The following ST6GAL1 variants were observed in gnomAD, a reference collection of about 807,000 sequenced individuals.
The protein encoded by ST6GAL1 is ST6 beta-galactoside alpha-2,6-sialyltransferase 1, also known as beta-galactoside alpha-2,6-sialyltransferase 1.
A neutral mutation model predicts 38.0 loss-of-function variants in ST6GAL1; 20 were observed. The observed-to-expected ratio is 0.53, with a 90% CI of 0.37 to 0.77. ST6GAL1 has a LOEUF of 0.77. Among genes scored for constraint, ST6GAL1 ranks in the 30% least tolerant of loss-of-function variants. ST6GAL1 has a pLI of 0.00. For missense variants in ST6GAL1, 432 were observed against 496.4 expected (o/e 0.87, Z 1.23); for synonymous variants, 196 against 188.2 (o/e 1.04, Z -0.34).
chr3:187,057,330 C>T (rs575982362), intron 5 of ST6GAL1, among the ~76,000 whole-genome samples: 1 of 152,348 alleles, frequency 6.6e-6, no homozygotes, highest in Non-Finnish European at 1.5e-5. Context: ...CATTCTCCGT[C>T]CAGCTTTGTT....
chr3:186,941,253 G>T (rs1039608769), intron 1 of ST6GAL1, among the ~76,000 whole-genome samples: 5 of 152,194 alleles, frequency 3.3e-5, no homozygotes, highest in Non-Finnish European at 5.9e-5. Flanking sequence ...TGGTAGGGAG[G>T]GAGGAGAGAG....
intron 5 of ST6GAL1, among the ~76,000 whole-genome samples, chr3:187,066,754 G>T (rs1290267701): frequency 6.6e-6 from 1 of 152,062 alleles, no homozygotes; most frequent in African/African-American, 2.4e-5. Context: ...TTTCCTGGCA[G>T]ATGTTCCCCA....
chr3:186,993,380 A>G (rs1371744730), intron 2 of ST6GAL1, among the ~76,000 whole-genome samples: 3 of 152,170 alleles, frequency 2.0e-5, no homozygotes, highest in Non-Finnish European at 4.4e-5. Flanking sequence ...ATTCTAAACA[A>G]AAAAGTCAAG....
At chr3:187,048,717 G>C (rs1222134562) in intron 4 of ST6GAL1, among the ~76,000 whole-genome samples, 2 of 152,058 alleles carry the variant, frequency 1.3e-5, no homozygotes, top group East Asian at 3.9e-4. Context: ...CATAGAGTAG[G>C]TGCTCAATCA....
chr3:187,051,461 C>A, intron 5 of ST6GAL1, 115 bp downstream of exon 5: 1 of 844,156 alleles, frequency 1.2e-6, no homozygotes. Flanking sequence ...CTTGATCTTC[C>A]TGAGTTCCTG....
chr3:187,078,350 T>A lies in ST6GAL1; in HGVS notation c.*2547T>A, dbSNP rs1453907896. 1 of 152,230 alleles carries A rather than the reference T, an allele frequency of 6.6e-6. No individual in the cohort carries two copies. Among genetic ancestry groups the A allele is most frequent in the Non-Finnish European group, 1.5e-5 (1 of 68,050 alleles). 9.4% of individuals were successfully genotyped at this position (152,230 alleles called of 1,614,324 possible). A position where few individuals can be genotyped will look rare whatever the true frequency, so the allele number is the denominator to read the frequency against. ...TAATTTAAAAATTATGAGTTAATGC[T>A]GCCTGTGTCTATGGGGTTCTGTCTT... On this transcript the variant is annotated 3_prime_UTR_variant, in exon 8 of 8. Coordinates refer to ENST00000169298, the MANE Select transcript of ST6GAL1 (RefSeq NM_173216.2).
chr3:187,068,935 C>T (rs530896318), intron 5 of ST6GAL1, among the ~76,000 whole-genome samples: 3 of 152,324 alleles, frequency 2.0e-5, no homozygotes, highest in East Asian at 1.9e-4. Context: ...AGCTCAGTCA[C>T]GTCTATCTTA....
intron 2 of ST6GAL1, among the ~76,000 whole-genome samples, chr3:186,997,276 CCT>C (rs1716448637): frequency 6.6e-6 from 1 of 152,076 alleles, no homozygotes; most frequent in Admixed American, 6.6e-5. Flanking sequence ...GGTGTCACCC[CCT>C]GTTTTGTAAG....
chr3:186,966,712 A>G (rs1166406382), intron 2 of ST6GAL1, among the ~76,000 whole-genome samples: 1 of 152,170 alleles, frequency 6.6e-6, no homozygotes, highest in Non-Finnish European at 1.5e-5. Flanking sequence ...ATAGAGTGCT[A>G]TAGTGTAGTC....
At chr3:187,054,850 T>C (rs1718637801) in intron 5 of ST6GAL1, among the ~76,000 whole-genome samples, 2 of 152,320 alleles carry the variant, frequency 1.3e-5, no homozygotes, top group South Asian at 2.1e-4. Flanking sequence ...TTTGTATTGA[T>C]TGGAATAGTT....
intron 5 of ST6GAL1, among the ~76,000 whole-genome samples, chr3:187,060,881 T>G (rs1053109886): frequency 1.3e-5 from 2 of 152,148 alleles, no homozygotes; most frequent in Non-Finnish European, 2.9e-5. Flanking sequence ...AATAAGCAAT[T>G]CAGAAGTTTT....
chr3:186,987,079 A>G (rs1191887711), intron 2 of ST6GAL1, among the ~76,000 whole-genome samples: 1 of 150,422 alleles, frequency 6.6e-6, no homozygotes, highest in Admixed American at 6.8e-5. Context: ...ATCAACTTCT[A>G]TTTTACTCTT....
intron 5 of ST6GAL1, chr3:187,072,622 T>C (rs113339478): frequency 4.0e-6 from 2 of 494,912 alleles, no homozygotes; most frequent in Admixed American, 3.0e-5. Flanking sequence ...GATGGAACCC[T>C]TTCTATTCTA....
chr3:187,062,495 C>T (rs747390405), intron 5 of ST6GAL1, among the ~76,000 whole-genome samples: 13 of 150,716 alleles, frequency 8.6e-5, no homozygotes, highest in Non-Finnish European at 1.5e-4. Context: ...AAATATTATT[C>T]TAAAAAAGGA....
At chr3:187,072,400 TGA>T (rs1257651726) in intron 5 of ST6GAL1, 2 of 227,008 alleles carry the variant, frequency 8.8e-6, no homozygotes, top group African/African-American at 2.3e-5. Flanking sequence ...TTGGACTTCG[TGA>T]GAGAGCCTAT....
Position 187,077,667 on chromosome 3 carries a change from G to C in ST6GAL1, c.*1864G>C, listed in dbSNP as rs1467659838. On this transcript the variant is annotated 3_prime_UTR_variant, in exon 8 of 8. Transcript: ENST00000169298. Reference sequence around the variant, plus strand: ...CTGCTTTTGTGAGGATTACAGGAAAGCACCTGTCCTGGCTCTGTACCTGGC... The same window carrying C: ...CTGCTTTTGTGAGGATTACAGGAAACCACCTGTCCTGGCTCTGTACCTGGC... 2.6e-5 allele frequency: 4 copies of C among 152,328 alleles called. No homozygotes were observed. The highest frequency in any genetic ancestry group is 5.9e-5 in the Non-Finnish European group (4 of 68,142). The allele number at this position is 152,328 out of a possible 1,614,324, so 9.4% of individuals were successfully genotyped here.
chr3:186,982,958 A>G (rs1469094599), intron 2 of ST6GAL1, among the ~76,000 whole-genome samples: 2 of 152,000 alleles, frequency 1.3e-5, no homozygotes, highest in African/African-American at 4.8e-5. Flanking sequence ...CTGGGATTAC[A>G]GGCATGAGCC....
intron 2 of ST6GAL1, among the ~76,000 whole-genome samples, chr3:187,026,166 C>A (rs900622702): frequency 2.0e-5 from 3 of 152,248 alleles, no homozygotes; most frequent in African/African-American, 7.2e-5. Flanking sequence ...TGTTGCATAT[C>A]ATGCTTCTGA....
chr3:186,964,647 T>G (rs1272019663), intron 2 of ST6GAL1, among the ~76,000 whole-genome samples: 2 of 152,334 alleles, frequency 1.3e-5, no homozygotes, highest in African/African-American at 4.8e-5. Flanking sequence ...TCCCAATTTT[T>G]ATATATTCAA....
Sources: gnomAD v4.1 joint callset for allele counts (sites outside exome capture counted in the v4.1 genomes callset) on GRCh38, gnomAD v4.1.1 for gene constraint, MANE v1.5 for transcripts, NCBI Gene and HGNC (gene_info 2026-07-23, HGNC 2026-07-21) for gene names.